The following CNTNAP5 variants were observed in gnomAD, a reference collection of about 807,000 sequenced individuals.
CNTNAP5 encodes the protein contactin-associated protein-like 5.
A neutral mutation model predicts 150.2 loss-of-function variants in CNTNAP5; 72 were observed. The observed-to-expected ratio is 0.48, with a 90% CI of 0.40 to 0.58. CNTNAP5 has a LOEUF of 0.58. Among genes scored for constraint, CNTNAP5 ranks in the 20% least tolerant of loss-of-function variants. The pLI, the probability that CNTNAP5 is intolerant of heterozygous loss-of-function variation, is 0.00. For synonymous variants in CNTNAP5, 672 were observed against 619.8 expected (o/e 1.08, Z -1.25); for missense variants, 1,636 against 1,626.2 (o/e 1.01, Z -0.10).
intron 19 of CNTNAP5, among the ~76,000 whole-genome samples, chr2:124,848,585 C>G (rs373821950): frequency 2.0e-5 from 3 of 152,066 alleles, no homozygotes; most frequent in Middle Eastern, 3.2e-3. Context: ...AACTGTTTTC[C>G]ATAAGTGCCA....
Position 124,185,469 on chromosome 2 carries a change from G to A in CNTNAP5, c.83-36236G>A, listed in dbSNP as rs1040577503. 2.0e-5 allele frequency among the ~76,000 whole-genome samples: 3 copies of A among 152,282 alleles called. No homozygotes were observed. In the East Asian group the frequency reaches 5.8e-4, roughly 29 times the overall value. ...GAGCCAGAAATAAATTAAAAATCTA[G>A]TATCTCAATATGCAGCCTTCTGCTC... On this transcript the variant is annotated intron_variant, in intron 1 of 23. Transcript: ENST00000682447.
At chr2:124,635,268 A>G (rs13002430) in intron 12 of CNTNAP5, among the ~76,000 whole-genome samples, 63,246 of 151,960 alleles carry the variant, frequency 0.42, 15,454 homozygotes, top group Non-Finnish European at 0.56. Context: ...GAGGCTACAC[A>G]CTTTTAAACA....
At chr2:124,313,940 T>A (rs1481019380) in intron 3 of CNTNAP5, among the ~76,000 whole-genome samples, 4 of 152,232 alleles carry the variant, frequency 2.6e-5, no homozygotes, top group Non-Finnish European at 5.9e-5. Context: ...ATCTTCAGAC[T>A]TAGAACTAAA....
At chr2:124,522,415 G>T (rs912022960) in intron 8 of CNTNAP5, among the ~76,000 whole-genome samples, 1 of 152,136 alleles carries the variant, frequency 6.6e-6, no homozygotes, top group Non-Finnish European at 1.5e-5. Context: ...TGTGAGTTCT[G>T]CCTCTAGCCT....
chr2:124,494,064 G>C (rs1457632553), intron 7 of CNTNAP5, among the ~76,000 whole-genome samples: 14 of 144,768 alleles, frequency 9.7e-5, no homozygotes, highest in Non-Finnish European at 1.5e-4. Flanking sequence ...ATAGGAGACT[G>C]TGTGTGTGTG....
chr2:124,750,082 T>C (rs901790476), intron 14 of CNTNAP5, among the ~76,000 whole-genome samples: 11 of 152,204 alleles, frequency 7.2e-5, no homozygotes, highest in African/African-American at 2.7e-4. Flanking sequence ...TTCTCTCACC[T>C]TGATCATTCC....
chr2:124,444,761 G>T (rs949634572), intron 5 of CNTNAP5, among the ~76,000 whole-genome samples: 1 of 152,160 alleles, frequency 6.6e-6, no homozygotes, highest in Non-Finnish European at 1.5e-5. Flanking sequence ...GCACTCAGCC[G>T]CTGGAAGTCC....
At chr2:124,317,081 G>A (rs763124172) in intron 3 of CNTNAP5, among the ~76,000 whole-genome samples, 7 of 152,014 alleles carry the variant, frequency 4.6e-5, no homozygotes, top group Non-Finnish European at 8.8e-5. Context: ...TGGGCAGCAC[G>A]CCATTATTCA....
chr2:124,668,803 G>T (rs774427302), intron 13 of CNTNAP5, among the ~76,000 whole-genome samples: 17 of 152,136 alleles, frequency 1.1e-4, no homozygotes, highest in Non-Finnish European at 1.9e-4. Flanking sequence ...GAAGTAAGTG[G>T]TCATTTGGGT....
chr2:124,661,057 G>A (rs1465829868), intron 13 of CNTNAP5, among the ~76,000 whole-genome samples: 1 of 137,502 alleles, frequency 7.3e-6, no homozygotes, highest in Non-Finnish European at 1.5e-5. Flanking sequence ...GAGGCAGAGA[G>A]GGAATGATGT....
At chr2:124,424,197 C>T (rs1269957178) in intron 4 of CNTNAP5, among the ~76,000 whole-genome samples, 2 of 152,212 alleles carry the variant, frequency 1.3e-5, no homozygotes, top group Non-Finnish European at 2.9e-5. Flanking sequence ...GTAATTCCAG[C>T]TTCAGCTGCC....
intron 3 of CNTNAP5, among the ~76,000 whole-genome samples, chr2:124,331,720 TA>T (rs1427785960): frequency 6.6e-6 from 1 of 151,774 alleles, no homozygotes; most frequent in African/African-American, 2.4e-5. Context: ...AAATAGATGT[TA>T]AAAAAAATTA....
At chr2:124,742,997 G>T (rs973606765) in intron 13 of CNTNAP5, among the ~76,000 whole-genome samples, 2 of 152,144 alleles carry the variant, frequency 1.3e-5, no homozygotes, top group Admixed American at 6.5e-5. Context: ...GGCCCCGGAA[G>T]CACAGTGCAT....
intron 19 of CNTNAP5, among the ~76,000 whole-genome samples, chr2:124,811,526 T>C (rs1682218669): frequency 6.6e-6 from 1 of 152,198 alleles, no homozygotes; most frequent in Non-Finnish European, 1.5e-5. Context: ...GGATATTGGC[T>C]GAAGACACAT....
intron 21 of CNTNAP5, among the ~76,000 whole-genome samples, chr2:124,870,238 T>C (rs1284846573): frequency 6.6e-6 from 1 of 151,854 alleles, no homozygotes; most frequent in Non-Finnish European, 1.5e-5. Flanking sequence ...AAGATAGAAA[T>C]TTTTTATCTA....
chr2:124,813,674 T>C (rs1042874772), intron 19 of CNTNAP5, among the ~76,000 whole-genome samples: 2 of 151,628 alleles, frequency 1.3e-5, no homozygotes, highest in African/African-American at 4.8e-5. Flanking sequence ...TGCTTCTGCT[T>C]GATTTTTTCT....
intron 21 of CNTNAP5, among the ~76,000 whole-genome samples, chr2:124,872,205 T>A (rs908054481): frequency 6.6e-6 from 1 of 152,084 alleles, no homozygotes; most frequent in Non-Finnish European, 1.5e-5. Flanking sequence ...AAAGATAATT[T>A]GTTGTCTCTG....
chr2:124,385,524 C>G (rs2565761), intron 3 of CNTNAP5, among the ~76,000 whole-genome samples: 48,100 of 152,120 alleles, frequency 0.32, 8,709 homozygotes, highest in South Asian at 0.53. Flanking sequence ...ACTATATTCT[C>G]TGGGGGCAAG....
chr2:124,123,004 G>A (rs773991672), intron 1 of CNTNAP5, among the ~76,000 whole-genome samples: 2 of 152,060 alleles, frequency 1.3e-5, no homozygotes, highest in African/African-American at 4.8e-5. Context: ...CGTGAGTGAT[G>A]CAGAAGACGG....
Sources: gnomAD v4.1 joint callset for allele counts (sites outside exome capture counted in the v4.1 genomes callset) on GRCh38, gnomAD v4.1.1 for gene constraint, MANE v1.5 for transcripts, NCBI Gene and HGNC (gene_info 2026-07-23, HGNC 2026-07-21) for gene names.